GHR: variants seen among roughly 807,000 people sequenced by gnomAD.
GHR encodes growth hormone receptor.
A neutral mutation model predicts 67.1 loss-of-function variants in GHR; 35 were observed. That is an observed-to-expected ratio of 0.52 (90% CI 0.40 to 0.69). GHR has a LOEUF of 0.69. Among genes scored for constraint, GHR ranks in the 30% least tolerant of loss-of-function variants. The pLI is 0.00. For missense variants in GHR, 792 were observed against 764.6 expected, an observed-to-expected ratio of 1.04 and a Z score of -0.42; for synonymous variants, 272 against 269.1, an observed-to-expected ratio of 1.01 and a Z score of -0.10.
At chr5:42,671,906 A>C (rs1756329976) in intron 3 of GHR, among the ~76,000 whole-genome samples, 1 of 147,966 alleles carries the variant, frequency 6.8e-6, no homozygotes, top group South Asian at 2.2e-4. Flanking sequence ...CAGTGAGCCG[A>C]GATCCCGCCA....
chr5:42,558,692 A>T (rs1749440982), intron 1 of GHR, among the ~76,000 whole-genome samples: 2 of 152,208 alleles, frequency 1.3e-5, no homozygotes, highest in South Asian at 4.1e-4. Context: ...GCTATCCCAT[A>T]TAGCCTAGGT....
chr5:42,578,311 A>G (rs1408642013), intron 2 of GHR, among the ~76,000 whole-genome samples: 1 of 152,188 alleles, frequency 6.6e-6, no homozygotes, highest in Non-Finnish European at 1.5e-5. Flanking sequence ...TGGGGATCAA[A>G]TTAGATAAAA....
chr5:42,480,050 T>G (rs1308457821), intron 1 of GHR, among the ~76,000 whole-genome samples: 4 of 152,228 alleles, frequency 2.6e-5, no homozygotes, highest in African/African-American at 9.6e-5. Context: ...CTCTGCACAC[T>G]GCTTTGAATG....
intron 1 of GHR, among the ~76,000 whole-genome samples, chr5:42,453,320 T>G (rs999497432): frequency 6.6e-6 from 1 of 152,116 alleles, no homozygotes. Flanking sequence ...TATTTACTGG[T>G]CTTTTATTTA....
intron 1 of GHR, among the ~76,000 whole-genome samples, chr5:42,478,118 C>T (rs576445274): frequency 6.6e-6 from 1 of 152,286 alleles, no homozygotes; most frequent in Admixed American, 6.5e-5. Context: ...CCAGTATTCC[C>T]AGCACCATTT....
intron 1 of GHR, among the ~76,000 whole-genome samples, chr5:42,457,335 C>G (rs1028978912): frequency 1.1e-4 from 17 of 152,118 alleles, no homozygotes; most frequent in African/African-American, 4.1e-4. Flanking sequence ...ATCCTTTGTG[C>G]CTTGTTAAAT....
At chr5:42,517,035 G>T (rs1289978868) in intron 1 of GHR, among the ~76,000 whole-genome samples, 1 of 152,122 alleles carries the variant, frequency 6.6e-6, no homozygotes, top group Non-Finnish European at 1.5e-5. Flanking sequence ...GCCTGCCCTG[G>T]TGTTTGTTAT....
chr5:42,704,054 T>G (rs1322624506), intron 6 of GHR, among the ~76,000 whole-genome samples: 1 of 151,996 alleles, frequency 6.6e-6, no homozygotes, highest in Non-Finnish European at 1.5e-5. Flanking sequence ...GCTTAATTGC[T>G]CTGACTAGGA....
chr5:42,562,589 G>A (rs1219611025), intron 1 of GHR, among the ~76,000 whole-genome samples: 1 of 149,862 alleles, frequency 6.7e-6, no homozygotes, highest in African/African-American at 2.5e-5. Flanking sequence ...TTTTTGTTTT[G>A]ATAGAGCACA....
chr5:42,551,580 G>A (rs1287848834), intron 1 of GHR, among the ~76,000 whole-genome samples: 5 of 152,220 alleles, frequency 3.3e-5, no homozygotes, highest in Admixed American at 6.5e-5. Flanking sequence ...TTAAATGTGA[G>A]AAGGGATGGA....
At chr5:42,715,655 T>C (rs1758686228) in intron 8 of GHR, among the ~76,000 whole-genome samples, 1 of 152,226 alleles carries the variant, frequency 6.6e-6, no homozygotes, top group Non-Finnish European at 1.5e-5. Context: ...AGTAGCGAAA[T>C]TCAGCCTACA....
intron 2 of GHR, among the ~76,000 whole-genome samples, chr5:42,572,299 C>G (rs1750370067): frequency 6.6e-6 from 1 of 152,132 alleles, no homozygotes; most frequent in Non-Finnish European, 1.5e-5. Flanking sequence ...GGCAGAGTCA[C>G]CAGCAGCCAC....
chr5:42,579,092 TA>T (rs1282835369), intron 2 of GHR, among the ~76,000 whole-genome samples: 2 of 98,790 alleles, frequency 2.0e-5, no homozygotes, highest in African/African-American at 3.8e-5. Flanking sequence ...GATAGATAGA[TA>T]GATAGATAGA....
At chr5:42,512,017 G>A (rs141717991) in intron 1 of GHR, among the ~76,000 whole-genome samples, 10 of 152,162 alleles carry the variant, frequency 6.6e-5, no homozygotes, top group African/African-American at 2.4e-4. Context: ...CTGCCGGTGG[G>A]TTGCTGAAAA....
intron 1 of GHR, among the ~76,000 whole-genome samples, chr5:42,470,017 T>TA (rs1459477878): frequency 6.7e-6 from 1 of 148,202 alleles, no homozygotes; most frequent in Non-Finnish European, 1.5e-5. Flanking sequence ...TATTTGTGTG[T>TA]GTATATAAAT....
chr5:42,529,013 CTTTT>C (rs60879144), intron 1 of GHR, among the ~76,000 whole-genome samples: 2 of 143,522 alleles, frequency 1.4e-5, no homozygotes, highest in Non-Finnish European at 1.5e-5. Context: ...ATACACGTAA[CTTTT>C]TTTTTTTTTT....
At chr5:42,477,063 T>C (rs1745365980) in intron 1 of GHR, among the ~76,000 whole-genome samples, 1 of 125,982 alleles carries the variant, frequency 7.9e-6, no homozygotes, top group Non-Finnish European at 1.6e-5. Flanking sequence ...CCCCAGTGTG[T>C]GATGTTCCCC....
chr5:42,610,416 T>C (rs2112670750), intron 2 of GHR, among the ~76,000 whole-genome samples: 1 of 152,228 alleles, frequency 6.6e-6, no homozygotes, highest in Non-Finnish European at 1.5e-5. Flanking sequence ...TGTTTTTGGG[T>C]CTCTCCAGCA....
chr5:42,503,471 G>A (rs939434846), intron 1 of GHR, among the ~76,000 whole-genome samples: 3 of 152,200 alleles, frequency 2.0e-5, no homozygotes, highest in Non-Finnish European at 4.4e-5. Flanking sequence ...TACCTAAACC[G>A]TGGTCAACTA....
Sources: gnomAD v4.1 joint callset for allele counts (sites outside exome capture counted in the v4.1 genomes callset) on GRCh38, gnomAD v4.1.1 for gene constraint, MANE v1.5 for transcripts, NCBI Gene and HGNC (gene_info 2026-07-23, HGNC 2026-07-21) for gene names.